The following LIN52 variants were observed in gnomAD, a reference collection of about 807,000 sequenced individuals.
The protein encoded by LIN52 is lin-52 DREAM MuvB core complex component.
Under a neutral mutation model 18.5 loss-of-function variants are expected in LIN52, and 4 were observed. The observed-to-expected ratio is 0.22, with a 90% confidence interval of 0.11 to 0.49. The LOEUF (loss-of-function observed/expected upper bound fraction) is 0.49, where lower values mean the gene tolerates loss of function less well. LIN52 is among the 20% of genes least tolerant of loss of function. The pLI is 0.97. For missense variants in LIN52, 102 were observed against 139.5 expected (o/e 0.73, Z 1.35); for synonymous variants, 34 against 45.5 (o/e 0.75, Z 1.02).
intron 5 of LIN52, among the ~76,000 whole-genome samples, chr14:74,154,719 T>C (rs1335401351): frequency 6.6e-6 from 1 of 152,200 alleles, no homozygotes; most frequent in African/African-American, 2.4e-5. Context: ...GCGGAAATTA[T>C]CCACAAAGCT....
At chr14:74,154,153 A>G (rs2061188413) in intron 5 of LIN52, among the ~76,000 whole-genome samples, 1 of 151,668 alleles carries the variant, frequency 6.6e-6, no homozygotes. Context: ...CCCATCTAGG[A>G]TACTGTATTA....
chr14:74,131,971 G>T (rs1484237598), intron 5 of LIN52, among the ~76,000 whole-genome samples: 1 of 152,160 alleles, frequency 6.6e-6, no homozygotes, highest in African/African-American at 2.4e-5. Flanking sequence ...AAGATCTTAG[G>T]TGACTTACCT....
intron 5 of LIN52, among the ~76,000 whole-genome samples, chr14:74,118,979 G>A (rs2060980741): frequency 6.6e-6 from 1 of 151,850 alleles, no homozygotes; most frequent in South Asian, 2.1e-4. Context: ...TTATGACATC[G>A]GCCATATCAT....
chr14:74,125,794 A>C (rs2061026022), intron 5 of LIN52, among the ~76,000 whole-genome samples: 1 of 150,706 alleles, frequency 6.6e-6, no homozygotes, highest in Admixed American at 6.6e-5. Context: ...AAGGATAAAA[A>C]ACCAAACACC....
chr14:74,099,899 T>C (rs1415481510), intron 4 of LIN52, among the ~76,000 whole-genome samples: 1 of 152,210 alleles, frequency 6.6e-6, no homozygotes, highest in Non-Finnish European at 1.5e-5. Context: ...CACCCAACAG[T>C]GAAACTGCCA....
intron 5 of LIN52, among the ~76,000 whole-genome samples, chr14:74,170,694 A>G (rs1314925668): frequency 6.6e-6 from 1 of 152,094 alleles, no homozygotes; most frequent in African/African-American, 2.4e-5. Flanking sequence ...GATATATTAT[A>G]GTTTCTATAA....
chr14:74,091,178 A>T, intron 1 of LIN52, 54 bp from the exon 2 acceptor site: 1 of 1,265,454 alleles, frequency 7.9e-7, no homozygotes. Context: ...TTGAAGTATC[A>T]TATACATTAA....
chr14:74,170,578 C>T (rs966712965), intron 5 of LIN52, among the ~76,000 whole-genome samples: 3 of 151,598 alleles, frequency 2.0e-5, no homozygotes, highest in Non-Finnish European at 2.9e-5. Flanking sequence ...TAGAAGTTGC[C>T]TTGGAGTTTA....
chr14:74,152,700 G>A (rs1005108784), intron 5 of LIN52, among the ~76,000 whole-genome samples: 3 of 151,864 alleles, frequency 2.0e-5, no homozygotes, highest in Non-Finnish European at 4.4e-5. Context: ...AGTGGCTTAC[G>A]CCTGTAATCC....
At chr14:74,103,651 T>C (rs8011873) in intron 5 of LIN52, among the ~76,000 whole-genome samples, 65,485 of 149,500 alleles carry the variant, frequency 0.44, 15,950 homozygotes, top group African/African-American at 0.66. Context: ...AGGCTGGTCT[T>C]GAACTCCTGA....
intron 5 of LIN52, among the ~76,000 whole-genome samples, chr14:74,167,438 G>A (rs2061254549): frequency 6.6e-6 from 1 of 152,096 alleles, no homozygotes; most frequent in South Asian, 2.1e-4. Flanking sequence ...GGGGACGGGT[G>A]TTTATTGACT....
intron 5 of LIN52, among the ~76,000 whole-genome samples, chr14:74,180,528 G>A (rs1365198846): frequency 6.6e-5 from 10 of 151,870 alleles, no homozygotes; most frequent in Non-Finnish European, 1.5e-4. Context: ...AAAGTACTGG[G>A]ATTACAGGCG....
intron 5 of LIN52, among the ~76,000 whole-genome samples, chr14:74,178,070 G>A (rs1345053984): frequency 6.6e-6 from 1 of 152,140 alleles, no homozygotes; most frequent in Non-Finnish European, 1.5e-5. Flanking sequence ...GTGAGCCACT[G>A]CACCCGGCCT....
chr14:74,158,125 A>ATATTT (rs1490797271), intron 5 of LIN52, among the ~76,000 whole-genome samples: 5 of 147,692 alleles, frequency 3.4e-5, no homozygotes, highest in African/African-American at 9.9e-5. Context: ...ATATATATAT[A>ATATTT]TTTTTTTGAG....
intron 5 of LIN52, among the ~76,000 whole-genome samples, chr14:74,176,609 T>A (rs1343719308): frequency 6.6e-6 from 1 of 152,166 alleles, no homozygotes; most frequent in Non-Finnish European, 1.5e-5. Context: ...ACATGAGTAA[T>A]GCGTTGCACT....
chr14:74,105,032 C>A (rs1364727820), intron 5 of LIN52, among the ~76,000 whole-genome samples: 2 of 152,086 alleles, frequency 1.3e-5, no homozygotes, highest in Non-Finnish European at 2.9e-5. Flanking sequence ...ATTTGGTTAC[C>A]TCGAAAACTG....
intron 5 of LIN52, among the ~76,000 whole-genome samples, chr14:74,196,928 T>TA (rs1394710437): frequency 2.0e-5 from 3 of 152,194 alleles, no homozygotes; most frequent in Non-Finnish European, 4.4e-5. Context: ...AGCTGAAACT[T>TA]AAACTGAGTT....
intron 5 of LIN52, among the ~76,000 whole-genome samples, chr14:74,161,162 A>C (rs908183789): frequency 1.3e-5 from 2 of 152,168 alleles, no homozygotes; most frequent in Non-Finnish European, 2.9e-5. Context: ...AAGAACAGTC[A>C]GGAGTAATTT....
intron 5 of LIN52, among the ~76,000 whole-genome samples, chr14:74,175,308 C>T (rs1193613827): frequency 6.6e-6 from 1 of 151,478 alleles, no homozygotes; most frequent in African/African-American, 2.4e-5. Flanking sequence ...TGTAATAGCA[C>T]TTAACTTAAA....
Sources: allele counts gnomAD v4.1 joint callset (sites outside exome capture counted in the v4.1 genomes callset), GRCh38; gene constraint gnomAD v4.1.1; transcripts MANE v1.5; gene names NCBI Gene and HGNC (gene_info 2026-07-23, HGNC 2026-07-21).